The following GIPC2 variants were observed in gnomAD, a reference collection of about 807,000 sequenced individuals.
GIPC2 encodes the protein GIPC PDZ domain containing family member 2, also known as PDZ domain-containing protein GIPC2.
A neutral mutation model predicts 30.6 loss-of-function variants in GIPC2; 30 were observed. That is an observed-to-expected ratio of 0.98 (90% CI 0.73 to 1.33). GIPC2 has a LOEUF of 1.33. Among genes scored for constraint, GIPC2 ranks in the 40% most tolerant of loss-of-function variants. The pLI, the probability that GIPC2 is intolerant of heterozygous loss-of-function variation, is 0.00. For missense variants in GIPC2, 414 were observed against 390.3 expected, an observed-to-expected ratio of 1.06 and a Z score of -0.51; for synonymous variants, 167 against 150.0, an observed-to-expected ratio of 1.11 and a Z score of -0.83.
upstream of GIPC2, chr1:78,045,071 A>G (rs1661043325): frequency 2.0e-6 from 2 of 983,608 alleles, no homozygotes; most frequent in Admixed American, 6.2e-5. Context: ...ATTTAAGAAG[A>G]ATGAAATGGG....
At chr1:78,085,257 A>G (rs1310445655) in intron 2 of GIPC2, among the ~76,000 whole-genome samples, 2 of 152,172 alleles carry the variant, frequency 1.3e-5, no homozygotes, top group African/African-American at 4.8e-5. Flanking sequence ...TGTTGAACCA[A>G]TCTTGCATCC....
At chr1:78,066,611 A>G (rs1661517796) in intron 1 of GIPC2, among the ~76,000 whole-genome samples, 1 of 152,220 alleles carries the variant, frequency 6.6e-6, no homozygotes, top group African/African-American at 2.4e-5. Flanking sequence ...ACTATTCACA[A>G]TAGCAAAGAC....
chr1:78,114,524 T>C (rs919945087), intron 3 of GIPC2, among the ~76,000 whole-genome samples: 6 of 152,188 alleles, frequency 3.9e-5, no homozygotes, highest in Non-Finnish European at 8.8e-5. Flanking sequence ...TCTGTTTCCT[T>C]AGAGGTGAAA....
At chr1:78,081,247 A>G (rs1438984677) in intron 2 of GIPC2, among the ~76,000 whole-genome samples, 2 of 152,160 alleles carry the variant, frequency 1.3e-5, no homozygotes, top group Non-Finnish European at 2.9e-5. Flanking sequence ...CTTCTTTAAA[A>G]ATGCCCTTCA....
At position 78,137,284 on chromosome 1, in the gene GIPC2, T is replaced by C. The variant is rs528796991; in HGVS notation, c.*1541T>C. On this transcript the variant is annotated 3_prime_UTR_variant, in exon 6 of 6. Transcript: ENST00000370759. ...TTTAGTGAGTTCGTTTTGGAGGTTC[T>C]GAAATACCTATTAATTCTTAATATT... 6 of 152,166 alleles carry C rather than the reference T, an allele frequency of 3.9e-5. No individual in the cohort carries two copies. The highest frequency in any genetic ancestry group is 8.8e-5 in the Non-Finnish European group (6 of 68,008). The allele number at this position is 152,166 out of a possible 1,614,324, so 9.4% of individuals were successfully genotyped here. A position where few individuals can be genotyped will look rare whatever the true frequency, so the allele number is the denominator to read the frequency against.
chr1:78,116,963 G>C (rs1448559654), intron 3 of GIPC2, among the ~76,000 whole-genome samples: 5 of 151,962 alleles, frequency 3.3e-5, no homozygotes, highest in Non-Finnish European at 7.4e-5. Context: ...CTAGTTTACA[G>C]TCCCACCAAC....
At chr1:78,062,733 C>T (rs1479577575) in intron 1 of GIPC2, among the ~76,000 whole-genome samples, 5 of 151,438 alleles carry the variant, frequency 3.3e-5, no homozygotes, top group African/African-American at 7.3e-5. Flanking sequence ...AGGCTGGTCT[C>T]GAACTCCTGA....
intron 2 of GIPC2, chr1:78,094,717 C>G (rs529075322): frequency 1.6e-4 from 49 of 302,238 alleles, no homozygotes; most frequent in African/African-American, 1.0e-3. Context: ...TCTTCCATCT[C>G]TAACTGAGCA....
intron 1 of GIPC2, among the ~76,000 whole-genome samples, chr1:78,073,283 T>C (rs1661657762): frequency 6.6e-6 from 1 of 152,060 alleles, no homozygotes; most frequent in Non-Finnish European, 1.5e-5. Flanking sequence ...TTTAAATTTT[T>C]AGTAGAGACG....
intron 3 of GIPC2, among the ~76,000 whole-genome samples, chr1:78,108,991 A>G (rs1662413782): frequency 6.6e-6 from 1 of 152,140 alleles, no homozygotes; most frequent in Admixed American, 6.6e-5. Flanking sequence ...TGTGGGGCCC[A>G]TACAATGTGA....
chr1:78,107,308 C>G (rs758993075), intron 3 of GIPC2, among the ~76,000 whole-genome samples: 1 of 151,730 alleles, frequency 6.6e-6, no homozygotes, highest in Admixed American at 6.6e-5. Flanking sequence ...ACCAACCTAG[C>G]GAATTTTTCA....
chr1:78,081,493 G>C (rs534210016), intron 2 of GIPC2, among the ~76,000 whole-genome samples: 42 of 152,252 alleles, frequency 2.8e-4, no homozygotes, highest in African/African-American at 8.4e-4. Context: ...ATGTGGATAG[G>C]TTATATGCAA....
At chr1:78,049,982 C>T (rs138616936) in intron 1 of GIPC2, among the ~76,000 whole-genome samples, 26 of 149,776 alleles carry the variant, frequency 1.7e-4, no homozygotes, top group African/African-American at 4.7e-4. Flanking sequence ...CTGCAACCTC[C>T]GCCTTCTGTG....
chr1:78,067,175 A>G (rs1283852986), intron 1 of GIPC2, among the ~76,000 whole-genome samples: 1 of 152,124 alleles, frequency 6.6e-6, no homozygotes, highest in Non-Finnish European at 1.5e-5. Context: ...TTAGGGTGGA[A>G]TGATAGGGAA....
At chr1:78,133,750 TTGTGTGTGTGTGTGTGTG>T (rs3057089) in intron 5 of GIPC2, among the ~76,000 whole-genome samples, 24 of 146,010 alleles carry the variant, frequency 1.6e-4, no homozygotes, top group African/African-American at 5.5e-4. Context: ...GAAAAAAAAA[TTGTGTGTGTGTGTGTGTG>T]TGTGTGTGTG....
chr1:78,073,739 C>A (rs1661664764), intron 1 of GIPC2, among the ~76,000 whole-genome samples: 1 of 152,090 alleles, frequency 6.6e-6, no homozygotes, highest in Admixed American at 6.6e-5. Context: ...GATTTGTTAA[C>A]CTGTTTGTGG....
chr1:78,075,553 A>G (rs1049629304), intron 1 of GIPC2, among the ~76,000 whole-genome samples: 2 of 152,200 alleles, frequency 1.3e-5, no homozygotes, highest in East Asian at 1.9e-4. Context: ...TTGCTTTGCC[A>G]TTCTTGGCAT....
At chr1:78,112,134 C>G (rs567411205) in intron 3 of GIPC2, among the ~76,000 whole-genome samples, 6 of 152,346 alleles carry the variant, frequency 3.9e-5, no homozygotes, top group African/African-American at 1.2e-4. Flanking sequence ...ATCAGGGTCT[C>G]ACTTTCAGCA....
chr1:78,093,239 A>G lies in GIPC2; in HGVS notation c.427-1713A>G, dbSNP rs558513456. ...AATAGTTTTTTCTTCTTTAGACTCT[A>G]GTCTTTTCTTTAATCTTGTTTATTT... On this transcript the variant is annotated intron_variant, in intron 2 of 5. Transcript: ENST00000370759. Among the ~76,000 whole-genome samples the G allele has an allele frequency of 1.3e-4, 20 of 152,296 alleles. No homozygotes were observed. The South Asian group carries it at 3.1e-3, about 24-fold the overall frequency.
Sources: allele counts gnomAD v4.1 joint callset (sites outside exome capture counted in the v4.1 genomes callset), GRCh38; gene constraint gnomAD v4.1.1; transcripts MANE v1.5; gene names NCBI Gene and HGNC (gene_info 2026-07-23, HGNC 2026-07-21).